Variants in PIK3CA observed in about 807,000 individuals in gnomAD.
The protein encoded by PIK3CA is phosphatidylinositol 4,5-bisphosphate 3-kinase catalytic subunit alpha isoform.
PIK3CA carries 27 observed loss-of-function variants against 138.2 expected under a neutral mutation model. The ratio of observed to expected loss-of-function variants is 0.20; its 90% CI spans 0.14 to 0.27. PIK3CA has a LOEUF of 0.27. Ranked by LOEUF, PIK3CA falls within the 10% of genes least tolerant of loss-of-function variation. PIK3CA has a pLI of 1.00. For synonymous variants in PIK3CA, 358 were observed against 413.2 expected (o/e 0.87, Z 1.62); for missense variants, 544 against 1,277.4 (o/e 0.43, Z 8.75).
intron 1 of PIK3CA, among the ~76,000 whole-genome samples, chr3:179,188,488 C>CT (rs941795775): frequency 6.6e-6 from 1 of 152,110 alleles, no homozygotes; most frequent in Admixed American, 6.5e-5. Flanking sequence ...AGTAGTCATT[C>CT]TTTTAGTTCT....
intron 3 of PIK3CA, among the ~76,000 whole-genome samples, chr3:179,200,146 G>A (rs906069314): frequency 5.3e-5 from 8 of 151,908 alleles, no homozygotes; most frequent in African/African-American, 1.7e-4. Context: ...AACGGAAGAA[G>A]TATGAGTTTG....
intron 6 of PIK3CA, among the ~76,000 whole-genome samples, chr3:179,206,319 A>G (rs1370435802): frequency 1.3e-5 from 2 of 152,036 alleles, no homozygotes; most frequent in African/African-American, 4.8e-5. Flanking sequence ...TTGGCCTCCC[A>G]AAGTGCTGGG....
chr3:179,186,035 C>A (rs1220699485), intron 1 of PIK3CA, among the ~76,000 whole-genome samples: 7 of 152,152 alleles, frequency 4.6e-5, no homozygotes, highest in African/African-American at 1.7e-4. Flanking sequence ...ACTAAAAGCC[C>A]CAGTTCTTTA....
chr3:179,176,810 A>G (rs1723708140), intron 1 of PIK3CA, among the ~76,000 whole-genome samples: 1 of 152,200 alleles, frequency 6.6e-6, no homozygotes. Context: ...GAATTTTTAC[A>G]AAGACATCCA....
rs201815341 is a variant in PIK3CA, at chr3:179,199,826, A to G, written c.489A>G (p.Ala163=). The G allele has an allele frequency of 5.0e-6, 8 of 1,612,802 alleles. No individual in the cohort carries two copies. The highest frequency in any genetic ancestry group is 6.8e-6 in the Non-Finnish European group (8 of 1,178,902). The change falls in exon 3 of 21, where the codon GCA becomes GCG. Residue 163 remains alanine, a synonymous_variant. Coordinates refer to ENST00000263967, the MANE Select transcript of PIK3CA (RefSeq NM_006218.4). ...LRDLNSPHSR[A]MYVYPPNVES... is the part of the protein sequence containing the mutation. ...ACCTCAATTCACCTCATAGTAGAGCAATGTATGTCTATCCTCCAAATGTAG... is the reference window on the plus strand; with the variant it reads ...ACCTCAATTCACCTCATAGTAGAGCGATGTATGTCTATCCTCCAAATGTAG...
chr3:179,180,698 A>G (rs1445814865), intron 1 of PIK3CA, among the ~76,000 whole-genome samples: 1 of 152,196 alleles, frequency 6.6e-6, no homozygotes, highest in African/African-American at 2.4e-5. Flanking sequence ...CATTTGAATA[A>G]TGAGCAGAGT....
chr3:179,212,655 G>C (rs1410974934), intron 9 of PIK3CA, among the ~76,000 whole-genome samples: 1 of 151,610 alleles, frequency 6.6e-6, no homozygotes, highest in Non-Finnish European at 1.5e-5. Context: ...TGCCTGGGCT[G>C]GTCTCGAACT....
In PIK3CA at chr3:179,219,649, C is replaced by T. The variant is rs2108410914; in HGVS notation, c.1825C>T (p.Pro609Ser). 6.2e-7 allele frequency: 1 copy of T among 1,610,330 alleles called. No individual in the cohort carries two copies. The highest frequency in any genetic ancestry group is 8.5e-7 in the Non-Finnish European group (1 of 1,177,036). The change falls in exon 12 of 21, where the codon CCT (proline) becomes TCT (serine). Residue 609 changes from proline (P) to serine (S), a missense_variant. By Grantham distance (74) the Pro-to-Ser change is moderately conservative. Around this residue, in one of 14 missense-constraint regions of PIK3CA, gnomAD observed 22 missense variants for 30.5 expected, o/e 0.72. Coordinates refer to ENST00000263967, the MANE Select transcript of PIK3CA (RefSeq NM_006218.4). The surrounding 1 kb of genome is among the most constrained non-coding windows in gnomAD (Gnocchi z 4.2). The part of the protein sequence containing the change: ...MELLDCNYPD[P>S]MVRGFAVRCL... ...ACTTCTGGACTGTAATTACCCAGAT[C>T]CTATGGTTCGAGGTTTTGCTGTTCG... is the stretch of plus-strand genomic sequence containing the variant.
At chr3:179,204,671 G>C in intron 6 of PIK3CA, 83 bp downstream of exon 6, 1 of 679,098 alleles carries the variant, frequency 1.5e-6, no homozygotes, top group Non-Finnish European at 2.6e-6. Flanking sequence ...TATTTTTTTA[G>C]ACCAGCCTGG....
intron 1 of PIK3CA, chr3:179,149,524 A>G (rs1722954677): frequency 1.3e-5 from 2 of 152,216 alleles, no homozygotes; most frequent in Admixed American, 1.3e-4. Context: ...GGGTAGGGTA[A>G]AGGGAGCGCA....
chr3:179,232,717 T>C (rs1392516935), intron 20 of PIK3CA, among the ~76,000 whole-genome samples: 2 of 152,090 alleles, frequency 1.3e-5, no homozygotes, highest in Admixed American at 6.6e-5. Context: ...TTCCTAGGTA[T>C]TTTTTTGAAG....
chr3:179,228,411 G>A (rs1188636000), intron 17 of PIK3CA, among the ~76,000 whole-genome samples: 1 of 152,034 alleles, frequency 6.6e-6, no homozygotes, highest in Non-Finnish European at 1.5e-5. Flanking sequence ...AACTGAGTAT[G>A]AAAAGTTTAT....
intron 1 of PIK3CA, among the ~76,000 whole-genome samples, chr3:179,175,787 G>A (rs376748546): frequency 6.7e-6 from 1 of 149,474 alleles, no homozygotes; most frequent in African/African-American, 2.5e-5. Context: ...TATCTTTACA[G>A]TTTCTTTGAC....
chr3:179,178,845 G>C (rs903779955), intron 1 of PIK3CA, among the ~76,000 whole-genome samples: 16 of 152,166 alleles, frequency 1.1e-4, no homozygotes, highest in African/African-American at 3.9e-4. Flanking sequence ...CCCCAGCAAA[G>C]AGCTGTGACA....
At chr3:179,165,575 A>G (rs976892178) in intron 1 of PIK3CA, among the ~76,000 whole-genome samples, 1 of 152,150 alleles carries the variant, frequency 6.6e-6, no homozygotes, top group Non-Finnish European at 1.5e-5. Context: ...GAATTTTAAT[A>G]AGGCTTCCCT....
Position 179,220,299 on chromosome 3 carries a change from T to C in PIK3CA, c.2015+247T>C, listed in dbSNP as rs1470515781. ...TAAATATTTTTAAAGATTTTTGTTC[T>C]ACTTAAGTCAAATTTTCTAGGTCCA... On this transcript the variant is annotated intron_variant, in intron 13 of 20. Coordinates refer to ENST00000263967, the MANE Select transcript of PIK3CA (RefSeq NM_006218.4). This position sits in a 1 kb window ranked among gnomAD's most constrained non-coding sequence, Gnocchi z 4.1. 6.6e-6 allele frequency among the ~76,000 whole-genome samples: 1 copy of C among 152,186 alleles called. No homozygotes were observed. The highest frequency in any genetic ancestry group is 1.5e-5 in the Non-Finnish European group (1 of 68,000).
At chr3:179,163,481 A>G (rs1177948639) in intron 1 of PIK3CA, among the ~76,000 whole-genome samples, 1 of 152,230 alleles carries the variant, frequency 6.6e-6, no homozygotes, top group East Asian at 1.9e-4. Context: ...AAGACTCCCT[A>G]TCTTTAAAAA....
At chr3:179,175,035 C>T (rs915730573) in intron 1 of PIK3CA, among the ~76,000 whole-genome samples, 1 of 152,170 alleles carries the variant, frequency 6.6e-6, no homozygotes, top group Non-Finnish European at 1.5e-5. Context: ...TGTTTCACAG[C>T]TGTTATCTCA....
chr3:179,212,204 C>T (rs1724730727), intron 9 of PIK3CA, among the ~76,000 whole-genome samples: 2 of 151,588 alleles, frequency 1.3e-5, no homozygotes, highest in African/African-American at 4.8e-5. Flanking sequence ...GACGGGGTGT[C>T]TCCATGTTGG....
Sources: allele counts gnomAD v4.1 joint callset (sites outside exome capture counted in the v4.1 genomes callset), GRCh38; gene constraint gnomAD v4.1.1; regional missense constraint gnomAD v4.1.1; non-coding constraint Gnocchi (gnomAD v3.1); transcripts MANE v1.5; gene names NCBI Gene and HGNC (gene_info 2026-07-23, HGNC 2026-07-21).